Variants in RSRP1 observed in about 807,000 individuals in gnomAD.
RSRP1 encodes arginine/serine-rich protein 1.
A neutral mutation model predicts 33.0 loss-of-function variants in RSRP1; 37 were observed. That is an observed-to-expected ratio of 1.12 (90% CI 0.86 to 1.48). The LOEUF (loss-of-function observed/expected upper bound fraction) is 1.48. Ranked by LOEUF, RSRP1 falls within the 40% of genes most tolerant of loss-of-function variation. RSRP1 has a pLI of 0.00. For missense variants in RSRP1, 402 were observed against 385.3 expected (o/e 1.04, Z -0.36); for synonymous variants, 167 against 158.7 (o/e 1.05, Z -0.40).
intron 1 of RSRP1, among the ~76,000 whole-genome samples, chr1:25,311,849 G>A (rs1644166601): frequency 7.6e-6 from 1 of 131,432 alleles, no homozygotes; most frequent in Non-Finnish European, 1.8e-5. Context: ...TTTTGCAGGT[G>A]TGCAGAATGC....
Position 25,269,324 on chromosome 1 carries a change from G to A in RSRP1, c.-66-22295C>T, listed in dbSNP as rs759225802. Among the ~76,000 whole-genome samples the A allele has an allele frequency of 1.6e-4, 21 of 132,454 alleles. 5 individuals are homozygous for A. The highest frequency in any genetic ancestry group is 2.5e-4 in the Non-Finnish European group (14 of 55,898). 86.9% of individuals were successfully genotyped at this position (132,454 alleles called of 152,430 possible). A position where few individuals can be genotyped will look rare whatever the true frequency, so the allele number is the denominator to read the frequency against. On this transcript the variant is annotated intron_variant, in intron 1 of 1. Coordinates refer to the RSRP1 transcript ENST00000561867. ...GTGGTGGGATGGGAACTCTAAGCGCGGCTTCCACTGCATGTGTGTTGCTTT... is the reference window on the plus strand; with the variant it reads ...GTGGTGGGATGGGAACTCTAAGCGCAGCTTCCACTGCATGTGTGTTGCTTT...
rs1488354064 is a variant in RSRP1 at position 25,319,488 on chromosome 1, A to G, written c.-67+18490T>C. Among the ~76,000 whole-genome samples the G allele has an allele frequency of 2.3e-5, 3 of 132,118 alleles. 1 individual carries two copies. The highest frequency in any genetic ancestry group is 2.2e-4 in the Admixed American group (3 of 13,484). 86.7% of individuals were successfully genotyped at this position (132,118 alleles called of 152,430 possible). On this transcript the variant is annotated intron_variant, in intron 1 of 1. Transcript: ENST00000561867. ...TAGCCAGGCGTGGTGGTACACCTGT[A>G]GTCCCAGCTGCTCTGGAGGCTGAGA...
At position 25,334,805 on chromosome 1, in the gene RSRP1, T is replaced by C. The variant is rs373098840; in HGVS notation, c.-67+3173A>G. 5.8e-3 allele frequency among the ~76,000 whole-genome samples: 767 copies of C among 132,364 alleles called. 33 individuals carry two copies. The highest frequency in any genetic ancestry group is 0.019 in the African/African-American group (711 of 37,338). 86.8% of individuals were successfully genotyped at this position (132,364 alleles called of 152,430 possible). On this transcript the variant is annotated intron_variant, in intron 1 of 1. Coordinates refer to the RSRP1 transcript ENST00000561867. ...ACAGCCCAAGCTCTACCTTGCCTCCTGTCAGTCATGGTTGGGAGTGGCTGG... is the reference window on the plus strand; with the variant it reads ...ACAGCCCAAGCTCTACCTTGCCTCCCGTCAGTCATGGTTGGGAGTGGCTGG...
At chr1:25,244,582 C>G (rs1639188804) in intron 3 of RSRP1, 5 of 1,282,332 alleles carry the variant, frequency 3.9e-6, no homozygotes, top group Non-Finnish European at 5.1e-6. Flanking sequence ...CAAATGAAAG[C>G]TACAAACACT....
intron 3 of RSRP1, 149 bp downstream of exon 3, chr1:25,245,001 T>C: frequency 1.3e-6 from 2 of 1,538,866 alleles, no homozygotes; most frequent in East Asian, 2.3e-5. Context: ...GGGTTTGACA[T>C]TGCCTATCTT....
intron 1 of RSRP1, among the ~76,000 whole-genome samples, chr1:25,260,326 T>C (rs185920142): frequency 9.0e-4 from 137 of 152,318 alleles, no homozygotes; most frequent in African/African-American, 3.2e-3. Context: ...TGTAGTTACA[T>C]ACAGAAAATG....
chr1:25,278,137 G>T (rs1641177156), intron 1 of RSRP1, among the ~76,000 whole-genome samples: 2 of 129,596 alleles, frequency 1.5e-5, no homozygotes, highest in South Asian at 4.8e-4. Flanking sequence ...AGATGGGCAG[G>T]GGCAGTGGAG....
intron 1 of RSRP1, among the ~76,000 whole-genome samples, chr1:25,299,375 C>T (rs1452374279): frequency 3.9e-5 from 5 of 129,848 alleles, no homozygotes; most frequent in East Asian, 3.9e-4. Context: ...AGTGAGACTC[C>T]GTCTCAAAAA....
chr1:25,333,058 C>T (rs1645038036), intron 1 of RSRP1, among the ~76,000 whole-genome samples: 1 of 131,320 alleles, frequency 7.6e-6, no homozygotes, highest in African/African-American at 2.6e-5. Flanking sequence ...GTCCTGAGAC[C>T]CAACAGCCTG....
rs894419154 is a variant in RSRP1, at chr1:25,329,294, G to A, written c.-67+8684C>T. 60 of 441,684 alleles carry A rather than the reference G, an allele frequency of 1.4e-4. 7 individuals are homozygous for A. The highest frequency in any genetic ancestry group is 5.5e-5 in the Non-Finnish European group (14 of 252,646). The allele number at this position is 441,684 out of a possible 1,614,324, so 27.4% of individuals were successfully genotyped here. On this transcript the variant is annotated intron_variant, in intron 1 of 1. Transcript: ENST00000561867. ...TAGTCTTACTCTGTCACCCAGGCTA[G>A]AGTGCAATGGCACCATCTTGGCTCA...
chr1:25,259,883 C>A, intron 1 of RSRP1, among the ~76,000 whole-genome samples: 1 of 152,138 alleles, frequency 6.6e-6, no homozygotes, highest in Admixed American at 6.5e-5. Context: ...GTGATTCAGG[C>A]TTCCACTGAG....
intron 1 of RSRP1, chr1:25,329,113 A>C: frequency 8.1e-7 from 1 of 1,227,800 alleles, no homozygotes; most frequent in East Asian, 2.4e-5. Context: ...ACCATTTATT[A>C]TGCACTGTAG....
intron 1 of RSRP1, among the ~76,000 whole-genome samples, chr1:25,257,597 A>C (rs75226123): frequency 7.6e-6 from 1 of 131,234 alleles, no homozygotes; most frequent in Non-Finnish European, 1.6e-5. Context: ...GGAGATGCAG[A>C]TTTTTTTTTT....
intron 1 of RSRP1, among the ~76,000 whole-genome samples, chr1:25,256,132 G>C (rs1639940538): frequency 1.3e-5 from 2 of 151,116 alleles, no homozygotes; most frequent in South Asian, 4.2e-4. Context: ...TTTCCTGGAA[G>C]TCTTCTATCC....
upstream of RSRP1, among the ~76,000 whole-genome samples, chr1:25,250,126 G>T (rs1639730502): frequency 6.6e-6 from 1 of 152,096 alleles, no homozygotes; most frequent in Non-Finnish European, 1.5e-5. Context: ...AGCAGAATAG[G>T]CAAAAAGTTA....
intron 1 of RSRP1, chr1:25,284,518 C>T (rs1307670565): frequency 2.2e-6 from 3 of 1,338,676 alleles, no homozygotes; most frequent in East Asian, 2.2e-5. Context: ...TTTCATACCA[C>T]CCTAAATCTC....
At position 25,286,940 on chromosome 1, in the gene RSRP1, A is replaced by G. The variant is rs1158746030; in HGVS notation, c.-66-39911T>C. ...AAATCCTGTCTCTACTAAAAACACA[A>G]AAATTAGCTGGGTGTGGCGGCAGGC... On this transcript the variant is annotated intron_variant, in intron 1 of 1. Transcript: ENST00000561867. Among the ~76,000 whole-genome samples, 4 of 133,700 alleles carry G rather than the reference A, an allele frequency of 3.0e-5. 1 individual carries two copies. Among genetic ancestry groups the G allele is most frequent in the East Asian group, 1.9e-4 (1 of 5,154 alleles). The allele number at this position is 133,700 out of a possible 152,430, so 87.7% of individuals were successfully genotyped here.
chr1:25,295,148 GGAGA>G (rs932624400), intron 1 of RSRP1, among the ~76,000 whole-genome samples: 1 of 136,032 alleles, frequency 7.4e-6, no homozygotes, highest in East Asian at 2.2e-4. Flanking sequence ...GGTTAAGAAA[GGAGA>G]GAGAGTGAAA....
intron 4 of RSRP1, among the ~76,000 whole-genome samples, chr1:25,242,984 G>A (rs1035991619): frequency 2.0e-5 from 3 of 152,096 alleles, no homozygotes; most frequent in Non-Finnish European, 4.4e-5. Context: ...CAGCTACTCG[G>A]GAGGCTGAGG....
Sources: gnomAD v4.1 joint callset for allele counts (sites outside exome capture counted in the v4.1 genomes callset) on GRCh38, gnomAD v4.1.1 for gene constraint, MANE v1.5 for transcripts, NCBI Gene and HGNC (gene_info 2026-07-23, HGNC 2026-07-21) for gene names.